Variants in ARHGAP5 observed in about 807,000 individuals in gnomAD.
ARHGAP5 encodes rho GTPase-activating protein 5.
ARHGAP5 carries 23 observed loss-of-function variants against 116.6 expected under a neutral mutation model. The observed-to-expected ratio is 0.20, with a 90% CI of 0.14 to 0.28. ARHGAP5 has a LOEUF of 0.28. Among genes scored for constraint, ARHGAP5 ranks in the 10% least tolerant of loss-of-function variants. The pLI is 1.00. For synonymous variants in ARHGAP5, 574 were observed against 602.0 expected (o/e 0.95, Z 0.68); for missense variants, 1,405 against 1,774.8 (o/e 0.79, Z 3.74).
intron 3 of ARHGAP5, among the ~76,000 whole-genome samples, chr14:32,136,657 A>G (rs1360372041): frequency 3.3e-5 from 5 of 152,184 alleles, no homozygotes; most frequent in African/African-American, 7.2e-5. Context: ...CGGTAATTCT[A>G]TGTTTAACTT....
chr14:32,099,977 G>A (rs1017292703), intron 2 of ARHGAP5, among the ~76,000 whole-genome samples: 2 of 152,106 alleles, frequency 1.3e-5, no homozygotes, highest in African/African-American at 4.8e-5. Flanking sequence ...AAACCTCTAA[G>A]ATGTTTTTGA....
chr14:32,144,420 G>A (rs1468825122), intron 3 of ARHGAP5, among the ~76,000 whole-genome samples: 2 of 151,398 alleles, frequency 1.3e-5, no homozygotes, highest in Non-Finnish European at 2.9e-5. Context: ...GAGCCCACTT[G>A]GTGAGTTGTT....
At chr14:32,151,696 C>T (rs1881644758) in intron 5 of ARHGAP5, among the ~76,000 whole-genome samples, 2 of 152,168 alleles carry the variant, frequency 1.3e-5, no homozygotes, top group African/African-American at 2.4e-5. Context: ...AGTAAGTGTG[C>T]CCACAAAGCC....
chr14:32,091,332 C>T lies in ARHGAP5; in HGVS notation c.663C>T (p.Asn221=), dbSNP rs1397498652. The change falls in exon 2 of 7, where the codon AAC becomes AAT. Residue 221 remains asparagine, a synonymous_variant. Coordinates refer to ENST00000345122, the MANE Select transcript of ARHGAP5 (RefSeq NM_001030055.2). ...EVQAFASNKK[N]LLVVETSARF... Reference sequence around the variant, plus strand: ...AGGCATTTGCTTCAAATAAAAAGAACCTTCTTGTAGTGGAAACATCAGCAC... The same window carrying T: ...AGGCATTTGCTTCAAATAAAAAGAATCTTCTTGTAGTGGAAACATCAGCAC... 9.9e-6 allele frequency: 16 copies of T among 1,613,474 alleles called. No homozygotes were observed. The highest frequency in any genetic ancestry group is 1.3e-5 in the Non-Finnish European group (15 of 1,179,646).
chr14:32,120,259 C>T (rs1879817073), intron 3 of ARHGAP5, among the ~76,000 whole-genome samples: 1 of 152,022 alleles, frequency 6.6e-6, no homozygotes, highest in Admixed American at 6.5e-5. Context: ...TTAGTGCCTT[C>T]TAGCATCTGT....
At position 32,158,300 on chromosome 14, in the gene ARHGAP5, A is replaced by G. The variant is rs906017209; in HGVS notation, c.*3352A>G. 3 of 151,880 alleles carry G rather than the reference A, an allele frequency of 2.0e-5. No homozygotes were observed. The highest frequency in any genetic ancestry group is 2.9e-5 in the Non-Finnish European group (2 of 67,816). 9.4% of individuals were successfully genotyped at this position (151,880 alleles called of 1,614,324 possible). Reference sequence around the variant, plus strand: ...ACTGTACCTGAAAAGGAGATTCAAAATTTTTTCTGGGGATGTATATAGGTG... The same window carrying G: ...ACTGTACCTGAAAAGGAGATTCAAAGTTTTTTCTGGGGATGTATATAGGTG... On this transcript the variant is annotated 3_prime_UTR_variant, in exon 7 of 7. Coordinates refer to ENST00000345122, the MANE Select transcript of ARHGAP5 (RefSeq NM_001030055.2).
intron 1 of ARHGAP5, among the ~76,000 whole-genome samples, chr14:32,081,951 C>T (rs773753363): frequency 9.2e-5 from 14 of 152,128 alleles, no homozygotes; most frequent in Non-Finnish European, 1.6e-4. Context: ...AGTTTTTTCA[C>T]GGAACCGGGG....
At position 32,156,098 on chromosome 14, in the gene ARHGAP5, T is replaced by A. The variant is rs1881883419; in HGVS notation, c.*1150T>A. 6.6e-6 allele frequency: 1 copy of A among 152,540 alleles called. No individual in the cohort carries two copies. Among genetic ancestry groups the A allele is most frequent in the African/African-American group, 2.4e-5 (1 of 41,470 alleles). 9.4% of individuals were successfully genotyped at this position (152,540 alleles called of 1,614,324 possible). A position where few individuals can be genotyped will look rare whatever the true frequency, so the allele number is the denominator to read the frequency against. ...TTGTACTAAAATCCAAAATGGCTTT[T>A]GCACCATTTTTAAGCCAATTTTTTC... On this transcript the variant is annotated 3_prime_UTR_variant, in exon 7 of 7. Coordinates refer to ENST00000345122, the MANE Select transcript of ARHGAP5 (RefSeq NM_001030055.2).
At chr14:32,085,751 T>A (rs543874042) in intron 1 of ARHGAP5, among the ~76,000 whole-genome samples, 4 of 152,326 alleles carry the variant, frequency 2.6e-5, no homozygotes, top group African/African-American at 7.2e-5. Context: ...TATAATTTCT[T>A]ATCATAAATT....
Position 32,091,900 on chromosome 14 carries a change from G to C in ARHGAP5, c.1231G>C (p.Glu411Gln). ...TGACCTCCTGAGCACTTTAGAAGCTGAAAAAGTCTATCAGAACCATGTACA... is the reference window on the plus strand; with the variant it reads ...TGACCTCCTGAGCACTTTAGAAGCTCAAAAAGTCTATCAGAACCATGTACA... ...PFDLLSTLEA[E>Q]KVYQNHVQHL... The change falls in exon 2 of 7, where the codon GAA becomes CAA. Residue 411 changes from glutamate to glutamine, a missense_variant. Glu to Gln is a conservative substitution (Grantham distance 29). Around this residue, in one of 6 missense-constraint regions of ARHGAP5, gnomAD observed 944 missense variants for 1,095.3 expected, o/e 0.86. Transcript: ENST00000345122. 2 of 1,613,470 alleles carry C rather than the reference G, an allele frequency of 1.2e-6. No homozygotes were observed. Among genetic ancestry groups the C allele is most frequent in the Non-Finnish European group, 1.7e-6 (2 of 1,179,642 alleles).
chr14:32,079,987 A>G (rs2041756051), intron 1 of ARHGAP5, among the ~76,000 whole-genome samples: 1 of 152,176 alleles, frequency 6.6e-6, no homozygotes, highest in Non-Finnish European at 1.5e-5. Context: ...AAGGGAATTT[A>G]ATTTCTAAAA....
intron 3 of ARHGAP5, among the ~76,000 whole-genome samples, chr14:32,120,928 TTG>T: frequency 6.6e-6 from 1 of 152,224 alleles, no homozygotes; most frequent in South Asian, 2.1e-4. Context: ...TGATTGTAGA[TTG>T]TGTGTTTCTC....
intron 3 of ARHGAP5, among the ~76,000 whole-genome samples, chr14:32,137,833 G>A (rs1008495988): frequency 7.2e-5 from 11 of 151,942 alleles, no homozygotes; most frequent in Non-Finnish European, 1.3e-4. Flanking sequence ...TTAGCCAGAC[G>A]TGGTGGCAGG....
At chr14:32,118,541 A>G (rs1294398504) in intron 3 of ARHGAP5, among the ~76,000 whole-genome samples, 1 of 151,926 alleles carries the variant, frequency 6.6e-6, no homozygotes, top group Non-Finnish European at 1.5e-5. Flanking sequence ...CTAGCTTTGT[A>G]GTTGAAATGG....
At chr14:32,146,209 C>T in intron 3 of ARHGAP5, 54 bp from the exon 4 acceptor site, 2 of 1,327,594 alleles carry the variant, frequency 1.5e-6, no homozygotes, top group Non-Finnish European at 2.2e-6. Context: ...CTGTGCCCAG[C>T]CGTGTGGATA....
At chr14:32,114,099 A>G (rs1594364422) in intron 2 of ARHGAP5, among the ~76,000 whole-genome samples, 2 of 152,110 alleles carry the variant, frequency 1.3e-5, no homozygotes, top group Admixed American at 1.3e-4. Context: ...GTGATGGCAC[A>G]CGCCTGTAGT....
chr14:32,094,423 T>C, intron 2 of ARHGAP5, 37 bp downstream of exon 2: 1 of 1,436,864 alleles, frequency 7.0e-7, no homozygotes, highest in Non-Finnish European at 9.4e-7. Flanking sequence ...TTTATAAAAA[T>C]GCTTGTTGTT....
intron 3 of ARHGAP5, among the ~76,000 whole-genome samples, chr14:32,121,977 A>C (rs1363716231): frequency 1.3e-5 from 2 of 152,150 alleles, no homozygotes; most frequent in East Asian, 3.8e-4. Context: ...TCTACTTTTT[A>C]ACTTGTGAAG....
chr14:32,093,854 T>C lies in ARHGAP5; in HGVS notation c.3185T>C (p.Ile1062Thr), dbSNP rs147275403. The change falls in exon 2 of 7, where the codon ATT becomes ACT. Residue 1062 changes from isoleucine (I) to threonine (T), a missense_variant. Ile to Thr is a moderately conservative substitution (Grantham distance 89). This residue lies in a region of ARHGAP5 where 944 missense variants were observed against 1,095.3 expected (regional missense o/e 0.86). Coordinates refer to ENST00000345122, the MANE Select transcript of ARHGAP5 (RefSeq NM_001030055.2). The part of the protein sequence containing the change: ...KKLDPNLLKT[I>T]EAGIGKNPRK... ...CTCGATCCAAACCTTTTAAAAACAATTGAAGCTGGTATTGGTAAAAATCCA... is the reference window on the plus strand; with the variant it reads ...CTCGATCCAAACCTTTTAAAAACAACTGAAGCTGGTATTGGTAAAAATCCA... 2 of 1,613,904 alleles carry C rather than the reference T, an allele frequency of 1.2e-6. No homozygotes were observed. Among genetic ancestry groups the C allele is most frequent in the Non-Finnish European group, 1.7e-6 (2 of 1,179,954 alleles).
Sources: gnomAD v4.1 joint callset for allele counts (sites outside exome capture counted in the v4.1 genomes callset) on GRCh38, gnomAD v4.1.1 for gene constraint, gnomAD v4.1.1 regional missense constraint, MANE v1.5 for transcripts, NCBI Gene and HGNC (gene_info 2026-07-23, HGNC 2026-07-21) for gene names.